SEPTIN7: variants seen among roughly 807,000 people sequenced by gnomAD.
SEPTIN7 encodes septin 7.
A neutral mutation model predicts 63.3 loss-of-function variants in SEPTIN7; 10 were observed. The observed-to-expected ratio is 0.16, with a 90% CI of 0.10 to 0.27. The LOEUF (loss-of-function observed/expected upper bound fraction) is 0.27. Ranked by LOEUF, SEPTIN7 falls within the 10% of genes least tolerant of loss-of-function variation. The probability of loss-of-function intolerance (pLI) is 1.00; values close to 1 mark genes in which losing one functional copy is unlikely to be tolerated. For missense variants in SEPTIN7, 310 were observed against 521.0 expected (o/e 0.59, Z 3.94); for synonymous variants, 131 against 165.3 (o/e 0.79, Z 1.59).
intron 1 of SEPTIN7, among the ~76,000 whole-genome samples, chr7:35,806,810 TC>T (rs1374167473): frequency 6.6e-6 from 1 of 152,228 alleles, no homozygotes; most frequent in Non-Finnish European, 1.5e-5. Flanking sequence ...AGTCTCCCCA[TC>T]CCTATAACTT....
At chr7:35,809,158 T>G (rs1303699051) in intron 1 of SEPTIN7, among the ~76,000 whole-genome samples, 1 of 152,248 alleles carries the variant, frequency 6.6e-6, no homozygotes, top group Non-Finnish European at 1.5e-5. Flanking sequence ...TGCTGTGTGC[T>G]GGCCACTGGG....
rs1302933280 is a variant in SEPTIN7, at chr7:35,905,969, C to T, written c.*1676C>T. The T allele has an allele frequency of 2.6e-5, 4 of 152,012 alleles. No homozygotes were observed. In the South Asian group the frequency reaches 6.2e-4, roughly 24 times the overall value. 9.4% of individuals were successfully genotyped at this position (152,012 alleles called of 1,614,324 possible). A position where few individuals can be genotyped will look rare whatever the true frequency, so the allele number is the denominator to read the frequency against. On this transcript the variant is annotated 3_prime_UTR_variant, in exon 14 of 14. Coordinates refer to ENST00000350320, the MANE Select transcript of SEPTIN7 (RefSeq NM_001788.6). ...CTATTTACTTTTTAAAATTAATGAC[C>T]TAAGCGGAGGGAATAATTATAAGTC...
At chr7:35,847,047 G>A (rs1200544585) in intron 3 of SEPTIN7, 3 of 172,748 alleles carry the variant, frequency 1.7e-5, no homozygotes, top group East Asian at 1.5e-4. Context: ...CAGGCTTGAA[G>A]GTATGTGAAA....
chr7:35,877,844 T>G (rs772240714), intron 6 of SEPTIN7, among the ~76,000 whole-genome samples: 6 of 152,148 alleles, frequency 3.9e-5, no homozygotes, highest in Non-Finnish European at 4.4e-5. Flanking sequence ...GGTATTTCAG[T>G]GAGAAGATGG....
chr7:35,805,693 CT>C (rs1291389758), intron 1 of SEPTIN7, among the ~76,000 whole-genome samples: 10 of 152,338 alleles, frequency 6.6e-5, no homozygotes, highest in African/African-American at 2.2e-4. Context: ...CCTGAAGCTG[CT>C]CCTGCTTACG....
At chr7:35,801,364 A>C in intron 1 of SEPTIN7, 94 bp downstream of exon 1, 1 of 1,414,970 alleles carries the variant, frequency 7.1e-7, no homozygotes, top group Non-Finnish European at 9.3e-7. Flanking sequence ...GAACGCCCTG[A>C]GGCGAGGCGG....
intron 3 of SEPTIN7, among the ~76,000 whole-genome samples, chr7:35,835,142 A>T (rs1338665522): frequency 6.6e-6 from 1 of 152,176 alleles, no homozygotes; most frequent in African/African-American, 2.4e-5. Flanking sequence ...AAGATAAACC[A>T]CATAGAAATA....
At chr7:35,830,476 G>A (rs1783778122) in intron 1 of SEPTIN7, among the ~76,000 whole-genome samples, 1 of 152,188 alleles carries the variant, frequency 6.6e-6, no homozygotes, top group Non-Finnish European at 1.5e-5. Context: ...ATCTGGAGGT[G>A]CAGCTGAGAC....
chr7:35,853,732 T>C (rs1043102728), intron 3 of SEPTIN7, among the ~76,000 whole-genome samples: 11 of 152,244 alleles, frequency 7.2e-5, no homozygotes, highest in Admixed American at 7.2e-4. Context: ...TTAAGTGTTA[T>C]TGTTAATGAA....
intron 1 of SEPTIN7, among the ~76,000 whole-genome samples, chr7:35,826,879 A>G (rs1192072137): frequency 2.0e-5 from 3 of 152,176 alleles, no homozygotes; most frequent in Admixed American, 1.3e-4. Flanking sequence ...TAACTTTGGA[A>G]TAGGAACAAA....
intron 1 of SEPTIN7, among the ~76,000 whole-genome samples, chr7:35,805,226 A>G (rs144322569): frequency 2.6e-5 from 4 of 152,284 alleles, no homozygotes; most frequent in East Asian, 3.9e-4. Context: ...GTGCTGTACT[A>G]TGAACTTGTG....
At chr7:35,835,543 T>C (rs576988819) in intron 3 of SEPTIN7, among the ~76,000 whole-genome samples, 2 of 152,296 alleles carry the variant, frequency 1.3e-5, no homozygotes, top group South Asian at 4.1e-4. Context: ...ACTGCTCAGT[T>C]AGTCTGGGAT....
At chr7:35,833,152 A>G (rs1227537669) in intron 3 of SEPTIN7, among the ~76,000 whole-genome samples, 1 of 152,040 alleles carries the variant, frequency 6.6e-6, no homozygotes, top group East Asian at 1.9e-4. Flanking sequence ...AACTCTAGAG[A>G]AGTTATCTTC....
At position 35,838,192 on chromosome 7, in the gene SEPTIN7, TTG is replaced by T. The variant is rs1258191695; in HGVS notation, c.169+5298_169+5299del. Among the ~76,000 whole-genome samples the T allele has an allele frequency of 4.6e-5, 7 of 152,090 alleles. No individual in the cohort carries two copies. The South Asian group carries it at 1.5e-3, about 32-fold the overall frequency. On this transcript the variant is annotated intron_variant, in intron 3 of 13. Transcript: ENST00000350320. ...CATTGACATTTTTTTCCAGAATTTT[TTG>T]TGTGTTGTGTTTTCTATTAGCTTGA... is the stretch of plus-strand genomic sequence containing the variant.
At chr7:35,898,103 T>C (rs1307565709) in intron 11 of SEPTIN7, 145 bp from the exon 12 acceptor site, 1 of 544,938 alleles carries the variant, frequency 1.8e-6, no homozygotes, top group Admixed American at 3.9e-5. Context: ...AAGTTTTATA[T>C]ATGAAATATG....
In SEPTIN7 at chr7:35,844,747, C is replaced by T. The variant is rs191265853; in HGVS notation, c.169+11847C>T. 6.5e-3 allele frequency among the ~76,000 whole-genome samples: 995 copies of T among 152,192 alleles called. 14 individuals carry two copies. The highest frequency in any genetic ancestry group is 0.023 in the African/African-American group (954 of 41,516). Reference sequence around the variant, plus strand: ...CCTCCCGAGTAGCTGGGACTACAGGCGTGCACCACCACACCAGGCTAATTT... The same window carrying T: ...CCTCCCGAGTAGCTGGGACTACAGGTGTGCACCACCACACCAGGCTAATTT... On this transcript the variant is annotated intron_variant, in intron 3 of 13. Transcript: ENST00000350320.
chr7:35,805,058 T>G (rs1208017604), intron 1 of SEPTIN7, among the ~76,000 whole-genome samples: 1 of 152,102 alleles, frequency 6.6e-6, no homozygotes, highest in Non-Finnish European at 1.5e-5. Context: ...ATTTTTGTAT[T>G]TTTAGTAGAG....
chr7:35,880,981 A>G (rs775286971), intron 7 of SEPTIN7, among the ~76,000 whole-genome samples: 4 of 152,076 alleles, frequency 2.6e-5, no homozygotes, highest in Non-Finnish European at 4.4e-5. Context: ...TGTTTAAACC[A>G]CAGCAGCTTT....
chr7:35,856,137 A>G (rs1241848503), intron 3 of SEPTIN7, among the ~76,000 whole-genome samples: 2 of 152,238 alleles, frequency 1.3e-5, no homozygotes, highest in Admixed American at 6.5e-5. Context: ...TTTAGTCCTC[A>G]TAGTTCATAC....
Sources: gnomAD v4.1 joint callset for allele counts (sites outside exome capture counted in the v4.1 genomes callset) on GRCh38, gnomAD v4.1.1 for gene constraint, MANE v1.5 for transcripts, NCBI Gene and HGNC (gene_info 2026-07-23, HGNC 2026-07-21) for gene names.